VPS13B: variants seen among roughly 807,000 people sequenced by gnomAD.
The protein encoded by VPS13B is vacuolar protein sorting 13 homolog B, also known as intermembrane lipid transfer protein VPS13B.
VPS13B carries 285 observed loss-of-function variants against 426.4 expected under a neutral mutation model. The observed-to-expected ratio is 0.67, with a 90% CI of 0.61 to 0.74. The LOEUF is 0.74. VPS13B is among the 30% of genes least tolerant of loss of function. The probability of loss-of-function intolerance (pLI) is 0.00; values close to 1 mark genes in which losing one functional copy is unlikely to be tolerated. For missense variants in VPS13B, 4,537 were observed against 4,782.6 expected, an observed-to-expected ratio of 0.95 and a Z score of 1.51; for synonymous variants, 1,676 against 1,676.4, an observed-to-expected ratio of 1.00 and a Z score of 0.01.
chr8:99,754,572 C>T (rs936070173), intron 39 of VPS13B, among the ~76,000 whole-genome samples: 2 of 152,154 alleles, frequency 1.3e-5, no homozygotes, highest in African/African-American at 4.8e-5. Context: ...AGGACTGTCT[C>T]TTTCAGTCAC....
chr8:99,628,781 T>C (rs1588565889), intron 33 of VPS13B, among the ~76,000 whole-genome samples: 1 of 152,196 alleles, frequency 6.6e-6, no homozygotes, highest in East Asian at 1.9e-4. Context: ...ATGTGTTTTT[T>C]TTTTTTTAAG....
At chr8:99,799,869 A>G (rs904275514) in intron 43 of VPS13B, among the ~76,000 whole-genome samples, 2 of 152,222 alleles carry the variant, frequency 1.3e-5, no homozygotes, top group Non-Finnish European at 1.5e-5. Flanking sequence ...AAACAAACAA[A>G]ACCTGACAAT....
At chr8:99,416,770 G>A (rs1816039559) in intron 21 of VPS13B, among the ~76,000 whole-genome samples, 1 of 152,082 alleles carries the variant, frequency 6.6e-6, no homozygotes, top group African/African-American at 2.4e-5. Context: ...CAGTCCCAGT[G>A]AGATGAGCTG....
intron 19 of VPS13B, among the ~76,000 whole-genome samples, chr8:99,352,017 A>G (rs971528323): frequency 2.6e-5 from 4 of 152,198 alleles, no homozygotes; most frequent in Non-Finnish European, 5.9e-5. Context: ...TTATCTTCAT[A>G]AAGGTGCTTG....
intron 23 of VPS13B, among the ~76,000 whole-genome samples, chr8:99,449,301 G>C (rs923143218): frequency 1.3e-5 from 2 of 152,126 alleles, no homozygotes; most frequent in African/African-American, 4.8e-5. Flanking sequence ...TAATATTATG[G>C]TTAGGAACAA....
At chr8:99,821,157 CACACACACA>C in intron 49 of VPS13B, 128 bp from the exon 50 acceptor site, 14 of 654,988 alleles carry the variant, frequency 2.1e-5, no homozygotes, top group East Asian at 3.1e-5. Context: ...CACACACACA[CACACACACA>C]CCATGGAGGG....
intron 19 of VPS13B, among the ~76,000 whole-genome samples, chr8:99,326,480 T>TTTTTTTTTTTTTTTTTA (rs1810281773): frequency 7.9e-6 from 1 of 126,360 alleles, no homozygotes; most frequent in African/African-American, 3.2e-5. Context: ...TTTTTTTTTT[T>TTTTTTTTTTTTTTTTTA]TTGAGACAGA....
At chr8:99,233,480 G>T in intron 17 of VPS13B, 1 of 1,330,776 alleles carries the variant, frequency 7.5e-7, no homozygotes, top group African/African-American at 1.4e-5. Context: ...GGGATGAAGA[G>T]ATTCACAATC....
chr8:99,661,730 G>A (rs573117598), intron 35 of VPS13B, among the ~76,000 whole-genome samples: 1 of 152,198 alleles, frequency 6.6e-6, no homozygotes, highest in Admixed American at 6.5e-5. Context: ...TAGTTGACTG[G>A]AAGCCAAAGC....
At chr8:99,755,171 C>T (rs2130561593) in intron 39 of VPS13B, among the ~76,000 whole-genome samples, 1 of 152,228 alleles carries the variant, frequency 6.6e-6, no homozygotes, top group Non-Finnish European at 1.5e-5. Flanking sequence ...TGTACTCTCA[C>T]CTCTGTCTGT....
chr8:99,565,365 CT>C (rs200057208), intron 31 of VPS13B, among the ~76,000 whole-genome samples: 42,748 of 143,466 alleles, frequency 0.3, 6,665 homozygotes, highest in East Asian at 0.48. Flanking sequence ...ACTCTGTGGG[CT>C]TTTTTTTTTT....
chr8:99,220,780 C>CTTTTTTTT (rs5893485), intron 17 of VPS13B, among the ~76,000 whole-genome samples: 22 of 112,918 alleles, frequency 1.9e-4, no homozygotes, highest in African/African-American at 2.4e-4. Flanking sequence ...TAGTTTTATT[C>CTTTTTTTT]TTTTTTTTTT....
chr8:99,804,517 C>T (rs1280002672), intron 43 of VPS13B, among the ~76,000 whole-genome samples: 3 of 152,228 alleles, frequency 2.0e-5, no homozygotes, highest in South Asian at 4.2e-4. Context: ...CAGTCTCTGG[C>T]CCCAGGAGGC....
intron 35 of VPS13B, among the ~76,000 whole-genome samples, chr8:99,685,934 T>C (rs546353733): frequency 6.6e-6 from 1 of 152,194 alleles, no homozygotes; most frequent in South Asian, 2.1e-4. Flanking sequence ...GGGCATTGGA[T>C]AGTTAGGTGT....
chr8:99,032,261 G>T (rs766674031), intron 2 of VPS13B, among the ~76,000 whole-genome samples: 3 of 152,094 alleles, frequency 2.0e-5, no homozygotes, highest in Non-Finnish European at 4.4e-5. Flanking sequence ...AACTCAAACT[G>T]CTCTATTTGT....
chr8:99,324,736 G>A (rs1353155857), intron 19 of VPS13B, among the ~76,000 whole-genome samples: 2 of 151,946 alleles, frequency 1.3e-5, no homozygotes, highest in African/African-American at 4.8e-5. Context: ...AGAGCACAAG[G>A]GTATAGATTA....
intron 3 of VPS13B, among the ~76,000 whole-genome samples, chr8:99,078,596 T>G (rs1421247336): frequency 1.3e-5 from 2 of 152,126 alleles, no homozygotes; most frequent in Non-Finnish European, 2.9e-5. Flanking sequence ...GTGTGGCATA[T>G]GCAGGTGATT....
chr8:99,562,935 G>A (rs1464543091), intron 31 of VPS13B, among the ~76,000 whole-genome samples: 11 of 152,062 alleles, frequency 7.2e-5, no homozygotes, highest in East Asian at 1.9e-4. Flanking sequence ...CGGGAGGATC[G>A]CTTGAAGCCA....
intron 33 of VPS13B, among the ~76,000 whole-genome samples, chr8:99,638,176 A>G (rs1007131737): frequency 6.6e-6 from 1 of 152,102 alleles, no homozygotes; most frequent in Middle Eastern, 3.2e-3. Flanking sequence ...CAGTCAGCAC[A>G]CAATTATTAA....
Sources: gnomAD v4.1 joint callset for allele counts (sites outside exome capture counted in the v4.1 genomes callset) on GRCh38, gnomAD v4.1.1 for gene constraint, MANE v1.5 for transcripts, NCBI Gene and HGNC (gene_info 2026-07-23, HGNC 2026-07-21) for gene names.